Variants in LRRC4C observed in about 807,000 individuals in gnomAD.
The protein encoded by LRRC4C is leucine-rich repeat-containing protein 4C.
In LRRC4C, 5 loss-of-function variants were observed where a neutral mutation model predicts 33.6. That is an observed-to-expected ratio of 0.15 (90% CI 0.08 to 0.31). The LOEUF (loss-of-function observed/expected upper bound fraction) is 0.31, where lower values mean the gene tolerates loss of function less well. Among genes scored for constraint, LRRC4C ranks in the 10% least tolerant of loss-of-function variants. The pLI is 1.00. For missense variants in LRRC4C, 560 were observed against 796.7 expected (o/e 0.70, Z 3.58); for synonymous variants, 329 against 302.0 (o/e 1.09, Z -0.93).
intron 2 of LRRC4C, among the ~76,000 whole-genome samples, chr11:40,766,830 A>G (rs193188664): frequency 6.7e-6 from 1 of 150,130 alleles, no homozygotes; most frequent in Non-Finnish European, 1.5e-5. Flanking sequence ...ACCAGAGAAA[A>G]TTATCTTCAA....
chr11:40,685,012 G>T (rs957745903), intron 2 of LRRC4C, among the ~76,000 whole-genome samples: 11 of 151,990 alleles, frequency 7.2e-5, no homozygotes, highest in African/African-American at 2.2e-4. Flanking sequence ...ATGAATAGTA[G>T]GTATAAATAA....
intron 1 of LRRC4C, among the ~76,000 whole-genome samples, chr11:41,225,908 A>T (rs1947513406): frequency 6.6e-6 from 1 of 152,128 alleles, no homozygotes; most frequent in African/African-American, 2.4e-5. Flanking sequence ...ACCTCAGTCC[A>T]TGCCACTCAC....
chr11:41,170,274 C>A (rs971254251), intron 1 of LRRC4C, among the ~76,000 whole-genome samples: 1 of 151,962 alleles, frequency 6.6e-6, no homozygotes, highest in Non-Finnish European at 1.5e-5. Flanking sequence ...CATATGGAAC[C>A]AAAAAAGAGC....
intron 3 of LRRC4C, chr11:40,446,661 T>C (rs1951648616): frequency 6.6e-6 from 1 of 152,162 alleles, no homozygotes; most frequent in Non-Finnish European, 1.5e-5. Flanking sequence ...AATTGGCTCA[T>C]AGTTCTACAT....
At chr11:40,184,537 T>G (rs749698254) in intron 5 of LRRC4C, among the ~76,000 whole-genome samples, 1 of 152,128 alleles carries the variant, frequency 6.6e-6, no homozygotes, top group Non-Finnish European at 1.5e-5. Context: ...CCAGGAGACT[T>G]GTAGAAATGA....
In LRRC4C at chr11:40,610,073, C is replaced by A. The variant is rs975214579; in HGVS notation, c.-270+38069G>T. On this transcript the variant is annotated intron_variant, in intron 3 of 6. Transcript: ENST00000528697. ...CAGCATTACCAAAGTCAGACAAAGA[C>A]ACCTCAAGAAAAAACTATAGCCAAA... 4.6e-5 allele frequency among the ~76,000 whole-genome samples: 7 copies of A among 151,948 alleles called. No individual in the cohort carries two copies. In the East Asian group the frequency reaches 1.2e-3, roughly 25 times the overall value.
At chr11:40,265,697 GA>G (rs1251080601) in intron 4 of LRRC4C, among the ~76,000 whole-genome samples, 1 of 152,078 alleles carries the variant, frequency 6.6e-6, no homozygotes, top group African/African-American at 2.4e-5. Context: ...TGTAAGCAAG[GA>G]AAAAAATATC....
At chr11:40,647,609 T>A (rs1020855602) in intron 3 of LRRC4C, among the ~76,000 whole-genome samples, 1 of 152,118 alleles carries the variant, frequency 6.6e-6, no homozygotes, top group African/African-American at 2.4e-5. Flanking sequence ...CAACAGAAAA[T>A]ATTTTCATGC....
At chr11:40,232,562 A>T (rs1337439101) in intron 5 of LRRC4C, among the ~76,000 whole-genome samples, 1 of 152,234 alleles carries the variant, frequency 6.6e-6, no homozygotes, top group East Asian at 1.9e-4. Context: ...TGTTTAAAGT[A>T]CTATACAAAT....
chr11:40,947,660 A>G (rs1346299319), intron 1 of LRRC4C, among the ~76,000 whole-genome samples: 14 of 152,056 alleles, frequency 9.2e-5, no homozygotes, highest in South Asian at 2.1e-4. Context: ...AGGAACGTGT[A>G]CAGATCTCTG....
intron 4 of LRRC4C, among the ~76,000 whole-genome samples, chr11:40,304,849 C>T (rs1344476612): frequency 2.6e-5 from 4 of 151,824 alleles, no homozygotes; most frequent in Admixed American, 2.0e-4. Context: ...CTCCTGCTTT[C>T]ACTCCAGTTC....
chr11:40,659,489 T>C (rs566257943), intron 2 of LRRC4C, among the ~76,000 whole-genome samples: 2 of 152,140 alleles, frequency 1.3e-5, no homozygotes, highest in African/African-American at 4.8e-5. Flanking sequence ...ATGGTGCTTT[T>C]TCCAGCCTGC....
At chr11:40,722,550 C>T (rs181851968) in intron 2 of LRRC4C, among the ~76,000 whole-genome samples, 37 of 152,328 alleles carry the variant, frequency 2.4e-4, no homozygotes, top group Admixed American at 1.0e-3. Context: ...ACACAACATA[C>T]ACTGCAGTCA....
At chr11:40,689,967 T>TG in intron 2 of LRRC4C, among the ~76,000 whole-genome samples, 1 of 152,138 alleles carries the variant, frequency 6.6e-6, no homozygotes, top group Non-Finnish European at 1.5e-5. Context: ...TATTCTTTCA[T>TG]GCGTTCATTT....
At chr11:41,319,659 C>T (rs1355571496) in intron 1 of LRRC4C, among the ~76,000 whole-genome samples, 1 of 152,172 alleles carries the variant, frequency 6.6e-6, no homozygotes, top group African/African-American at 2.4e-5. Flanking sequence ...CCTCCCACCT[C>T]CCAGGGTGGC....
At chr11:40,677,468 TTTA>T (rs773147322) in intron 2 of LRRC4C, among the ~76,000 whole-genome samples, 5 of 152,112 alleles carry the variant, frequency 3.3e-5, no homozygotes, top group Non-Finnish European at 5.9e-5. Flanking sequence ...TATGTAAGTC[TTTA>T]GATCAAATAA....
At chr11:41,304,097 G>A (rs1230066160) in intron 1 of LRRC4C, among the ~76,000 whole-genome samples, 22 of 74,736 alleles carry the variant, frequency 2.9e-4, no homozygotes, top group African/African-American at 7.5e-4. Flanking sequence ...GGTGAGGGGC[G>A]CCTCTGCCCG....
intron 1 of LRRC4C, among the ~76,000 whole-genome samples, chr11:40,991,139 A>C (rs1417114889): frequency 6.6e-6 from 1 of 151,552 alleles, no homozygotes; most frequent in East Asian, 1.9e-4. Flanking sequence ...GATCTTTCAA[A>C]GCAAAAAATC....
intron 1 of LRRC4C, among the ~76,000 whole-genome samples, chr11:41,316,818 G>T (rs369584319): frequency 6.6e-6 from 1 of 152,050 alleles, no homozygotes; most frequent in Non-Finnish European, 1.5e-5. Flanking sequence ...CTTTTTCCCC[G>T]CATTCATTCA....
Sources: allele counts gnomAD v4.1 joint callset (sites outside exome capture counted in the v4.1 genomes callset), GRCh38; gene constraint gnomAD v4.1.1; transcripts MANE v1.5; gene names NCBI Gene and HGNC (gene_info 2026-07-23, HGNC 2026-07-21).